Variants in PCDHGA4 observed in about 807,000 individuals in gnomAD.
PCDHGA4 encodes protocadherin gamma subfamily A, 4.
PCDHGA4 carries 38 observed loss-of-function variants against 54.6 expected under a neutral mutation model. That is an observed-to-expected ratio of 0.70 (90% CI 0.54 to 0.91). The LOEUF is 0.91. Ranked by LOEUF, PCDHGA4 falls within the 40% of genes least tolerant of loss-of-function variation. The pLI is 0.00. For synonymous variants in PCDHGA4, 511 were observed against 512.9 expected, an observed-to-expected ratio of 1.00 and a Z score of 0.05; for missense variants, 1,298 against 1,220.9, an observed-to-expected ratio of 1.06 and a Z score of -0.94.
At chr5:141,420,432 T>C in intron 1 of PCDHGA4, 2 of 1,149,120 alleles carry the variant, frequency 1.7e-6, no homozygotes, top group Non-Finnish European at 2.3e-6. Flanking sequence ...AAAGTTTAAA[T>C]TAAATGCCTC....
At position 141,414,543 on chromosome 5, in the gene PCDHGA4, C is replaced by T. The variant is rs369387885; in HGVS notation, c.2514+56922C>T. The T allele has an allele frequency of 5.0e-6, 8 of 1,613,880 alleles. No individual in the cohort carries two copies. The African/African-American group carries it at 1.1e-4, about 22-fold the overall frequency. ...ATATCAATGACAACCCACCTACCTT[C>T]TCTCAAGTCTCCTACTTTACCTATA... On this transcript the variant is annotated intron_variant, in intron 1 of 3. Transcript: ENST00000571252.
chr5:141,447,851 C>T (rs961725006), intron 1 of PCDHGA4, among the ~76,000 whole-genome samples: 1 of 151,980 alleles, frequency 6.6e-6, no homozygotes, highest in East Asian at 1.9e-4. Flanking sequence ...TTTGGGAGGC[C>T]GAGGTGGGTG....
intron 1 of PCDHGA4, chr5:141,399,213 T>G (rs2093770836): frequency 6.2e-7 from 1 of 1,613,970 alleles, no homozygotes; most frequent in East Asian, 2.2e-5. Context: ...GAACACTAAT[T>G]GCTTTGATCA....
rs1759792731 is a variant in PCDHGA4, at chr5:141,355,302, G to C, written c.195G>C (p.Ser65=). Residue 65 remains serine, a synonymous_variant, in exon 1 of 4, where the codon TCG becomes TCC. Coordinates refer to ENST00000571252, the MANE Select transcript of PCDHGA4 (RefSeq NM_018917.4). ...VEIRAEQILY[S]VFEEQEEGSV... is the part of the protein sequence containing the mutation. ...TCAGGGCCGAACAGATTCTCTACTCGGTGTTTGAGGAGCAGGAAGAAGGCT... is the reference window on the plus strand; with the variant it reads ...TCAGGGCCGAACAGATTCTCTACTCCGTGTTTGAGGAGCAGGAAGAAGGCT... The C allele has an allele frequency of 1.9e-6, 3 of 1,613,798 alleles. No individual in the cohort carries two copies. Among genetic ancestry groups the C allele is most frequent in the Non-Finnish European group, 2.5e-6 (3 of 1,179,912 alleles).
At chr5:141,509,845 C>G (rs1021433327) in intron 3 of PCDHGA4, among the ~76,000 whole-genome samples, 1 of 152,190 alleles carries the variant, frequency 6.6e-6, no homozygotes, top group African/African-American at 2.4e-5. Context: ...CCCATTCACT[C>G]AGAACAGGGA....
At chr5:141,435,644 T>A (rs913195454) in intron 1 of PCDHGA4, among the ~76,000 whole-genome samples, 1 of 152,170 alleles carries the variant, frequency 6.6e-6, no homozygotes, top group Non-Finnish European at 1.5e-5. Flanking sequence ...TGGGAAAATT[T>A]CTGAAACGTG....
At chr5:141,366,692 A>C (rs777934534) in intron 1 of PCDHGA4, 1 of 1,614,256 alleles carries the variant, frequency 6.2e-7, no homozygotes, top group Non-Finnish European at 8.5e-7. Flanking sequence ...CTGTGAGAAA[A>C]GCGAGCCTCT....
At position 141,387,719 on chromosome 5, in the gene PCDHGA4, C is replaced by T. The variant is rs953272587; in HGVS notation, c.2514+30098C>T. The T allele has an allele frequency of 4.5e-6, 5 of 1,115,502 alleles. No homozygotes were observed. In the African/African-American group the frequency reaches 4.7e-5, roughly 11 times the overall value. 69.1% of individuals were successfully genotyped at this position (1,115,502 alleles called of 1,614,324 possible). On this transcript the variant is annotated intron_variant, in intron 1 of 3. Transcript: ENST00000571252. The stretch of plus-strand genomic sequence containing the variant: ...TTCCAGGGCAGCCCCAGCTCAGACT[C>T]CCCAGCGCCAGCCTTTACACCGCTT...
rs1554175372 is a variant in PCDHGA4, at chr5:141,490,827, G to A, written c.2515-3980G>A. ...CCTTTGACTATGAATTGCTGCAGAT[G>A]CTGCAGATTGTGGTGGGGGTTCGAG... On this transcript the variant is annotated intron_variant, in intron 1 of 3. Transcript: ENST00000571252. This position sits in a 1 kb window ranked among gnomAD's most constrained non-coding sequence, Gnocchi z 5.4. 1 of 1,613,744 alleles carries A rather than the reference G, an allele frequency of 6.2e-7. No individual in the cohort carries two copies. Among genetic ancestry groups the A allele is most frequent in the Non-Finnish European group, 8.5e-7 (1 of 1,179,828 alleles).
intron 1 of PCDHGA4, among the ~76,000 whole-genome samples, chr5:141,461,782 TAG>T (rs2099022757): frequency 6.6e-6 from 1 of 152,086 alleles, no homozygotes; most frequent in South Asian, 2.1e-4. Context: ...GCCTCCCAAG[TAG>T]CTGGGATTAC....
chr5:141,374,701 C>CA (rs1561563973), intron 1 of PCDHGA4: 1 of 1,608,962 alleles, frequency 6.2e-7, no homozygotes, highest in South Asian at 1.1e-5. Context: ...AAGGAGAAGC[C>CA]GTTTACCGCC....
chr5:141,391,523 A>T (rs2092383458), intron 1 of PCDHGA4: 1 of 152,140 alleles, frequency 6.6e-6, no homozygotes, highest in Non-Finnish European at 1.5e-5. Context: ...CACTAATTTA[A>T]CTGGTATGGT....
chr5:141,394,907 T>C (rs1477088272), intron 1 of PCDHGA4: 2 of 1,613,640 alleles, frequency 1.2e-6, no homozygotes, highest in Non-Finnish European at 1.7e-6. Context: ...TGGCAGTGGC[T>C]GCCATCTCCT....
At chr5:141,416,434 A>G (rs2096024040) in intron 1 of PCDHGA4, 1 of 152,222 alleles carries the variant, frequency 6.6e-6, no homozygotes, top group African/African-American at 2.4e-5. Context: ...CTAAGGCTGA[A>G]AGTAAATATG....
At position 141,511,963 on chromosome 5, in the gene PCDHGA4, AGT is replaced by A. The variant is rs1204123000; in HGVS notation, c.*796_*797del. On this transcript the variant is annotated 3_prime_UTR_variant, in exon 4 of 4. Transcript: ENST00000571252. ...ATGGGGTGGTAAGATAAGGAAGGGA[AGT>A]GTGTGGATGTGGATGGTGGGGGCAT... 1 of 153,636 alleles carries A rather than the reference AGT, an allele frequency of 6.5e-6. No individual in the cohort carries two copies. 9.5% of individuals were successfully genotyped at this position (153,636 alleles called of 1,614,324 possible).
intron 1 of PCDHGA4, among the ~76,000 whole-genome samples, chr5:141,480,689 C>A (rs1266042791): frequency 6.6e-6 from 1 of 152,126 alleles, no homozygotes; most frequent in Non-Finnish European, 1.5e-5. Flanking sequence ...AATTCTGAAA[C>A]CCAGGCCACA....
At chr5:141,370,697 G>T in intron 1 of PCDHGA4, 3 of 1,613,806 alleles carry the variant, frequency 1.9e-6, no homozygotes, top group Non-Finnish European at 2.5e-6. Context: ...AGAAGTCGAC[G>T]TGTGTTCTGG....
chr5:141,453,364 G>A (rs921978865), intron 1 of PCDHGA4, among the ~76,000 whole-genome samples: 4 of 151,814 alleles, frequency 2.6e-5, no homozygotes, highest in African/African-American at 9.7e-5. Flanking sequence ...GAACTCCTGG[G>A]GTCAAGTGAT....
intron 1 of PCDHGA4, among the ~76,000 whole-genome samples, chr5:141,448,001 G>A (rs143950707): frequency 0.046 from 7,030 of 151,928 alleles, 245 homozygotes; most frequent in African/African-American, 0.093. Context: ...CATGAGAATC[G>A]CTTGAACCCA....
Sources: gnomAD v4.1 joint callset for allele counts (sites outside exome capture counted in the v4.1 genomes callset) on GRCh38, gnomAD v4.1.1 for gene constraint, Gnocchi (gnomAD v3.1) non-coding constraint, MANE v1.5 for transcripts, NCBI Gene and HGNC (gene_info 2026-07-23, HGNC 2026-07-21) for gene names.